ZNF98: variants seen among roughly 807,000 people sequenced by gnomAD.
ZNF98 encodes zinc finger protein 739.
Under a neutral mutation model 12.8 loss-of-function variants are expected in ZNF98, and 8 were observed. The observed-to-expected ratio is 0.63, with a 90% CI of 0.37 to 1.13. ZNF98 has a LOEUF of 1.13. Among genes scored for constraint, ZNF98 ranks in the 50% most tolerant of loss-of-function variants. The pLI is 0.01. For missense variants in ZNF98, 379 were observed against 666.1 expected (o/e 0.57, Z 4.74); for synonymous variants, 112 against 223.5 (o/e 0.50, Z 4.45).
intron 1 of ZNF98, among the ~76,000 whole-genome samples, chr19:22,404,224 T>C (rs2360624): frequency 1.4e-5 from 2 of 145,620 alleles, no homozygotes; most frequent in Non-Finnish European, 3.0e-5. Flanking sequence ...CGTCTCAAAA[T>C]AAAAAAAAGA....
At chr19:22,395,611 G>T (rs1205530848) in intron 3 of ZNF98, among the ~76,000 whole-genome samples, 2 of 151,386 alleles carry the variant, frequency 1.3e-5, no homozygotes, top group African/African-American at 4.9e-5. Flanking sequence ...GTAAAAAATA[G>T]AAAAATAAAC....
intron 3 of ZNF98, among the ~76,000 whole-genome samples, chr19:22,394,752 C>T (rs1969370819): frequency 1.3e-5 from 2 of 152,060 alleles, no homozygotes; most frequent in Admixed American, 1.3e-4. Flanking sequence ...TGTAACATAA[C>T]TGCACGCTGG....
intron 3 of ZNF98, among the ~76,000 whole-genome samples, chr19:22,393,936 T>C (rs1235728482): frequency 1.3e-5 from 2 of 151,524 alleles, no homozygotes; most frequent in Non-Finnish European, 2.9e-5. Flanking sequence ...AATCTACCCA[T>C]CTGACAAAGG....
At chr19:22,415,818 G>A in intron 1 of ZNF98, among the ~76,000 whole-genome samples, 1 of 151,706 alleles carries the variant, frequency 6.6e-6, no homozygotes, top group East Asian at 1.9e-4. Context: ...GCTTAGGCCA[G>A]GCACAGTGGC....
chr19:22,419,106 C>A (rs1388363075), intron 1 of ZNF98, among the ~76,000 whole-genome samples: 1 of 152,098 alleles, frequency 6.6e-6, no homozygotes, highest in East Asian at 1.9e-4. Context: ...CTCCCACTTT[C>A]GTTCTAATCT....
chr19:22,422,062 G>T, intron 1 of ZNF98, 133 bp downstream of exon 1: 2 of 1,177,886 alleles, frequency 1.7e-6, no homozygotes, highest in Non-Finnish European at 2.5e-6. Context: ...CTGAGGCCGA[G>T]CTAGGCAAGG....
At chr19:22,395,178 GAAAAAAAAAAA>G (rs71180538) in intron 3 of ZNF98, among the ~76,000 whole-genome samples, 1 of 99,874 alleles carries the variant, frequency 1.0e-5, no homozygotes, top group Admixed American at 1.1e-4. Context: ...GTTTCAAAAA[GAAAAAAAAAAA>G]AAAAAAAAGA....
intron 1 of ZNF98, among the ~76,000 whole-genome samples, chr19:22,421,444 G>C (rs1969702528): frequency 6.6e-6 from 1 of 152,106 alleles, no homozygotes; most frequent in Non-Finnish European, 1.5e-5. Context: ...ATAGACTGAG[G>C]TGGCTCCAAT....
rs1969491121 is a variant in ZNF98 at position 22,404,024 on chromosome 19, TCCTGGCTAACACAGTGAAAC to T, written c.31-532_31-513del. ...TCACGAGGTCAGGAGACCGAGACTATCCTGGCTAACACAGTGAAACCCTGGCTCTACTAAAAATACAAAAA... is the reference window on the plus strand; with the variant it reads ...TCACGAGGTCAGGAGACCGAGACTATCCTGGCTCTACTAAAAATACAAAAA... On this transcript the variant is annotated intron_variant, in intron 1 of 3. Transcript: ENST00000357774. 1.1e-4 allele frequency among the ~76,000 whole-genome samples: 16 copies of T among 152,306 alleles called. No individual in the cohort carries two copies. In the South Asian group the frequency reaches 3.3e-3, roughly 32 times the overall value.
intron 1 of ZNF98, among the ~76,000 whole-genome samples, chr19:22,416,121 G>A (rs1402295350): frequency 1.3e-5 from 2 of 150,906 alleles, no homozygotes; most frequent in Non-Finnish European, 2.9e-5. Flanking sequence ...TCCAGCCTGG[G>A]CAACAGAGCA....
intron 1 of ZNF98, among the ~76,000 whole-genome samples, chr19:22,411,661 A>G (rs1433869422): frequency 6.6e-6 from 1 of 152,092 alleles, no homozygotes; most frequent in African/African-American, 2.4e-5. Flanking sequence ...TAATTTACAT[A>G]TATTTCAAAA....
At chr19:22,413,665 G>C (rs1210996243) in intron 1 of ZNF98, among the ~76,000 whole-genome samples, 2 of 151,720 alleles carry the variant, frequency 1.3e-5, no homozygotes, top group Admixed American at 1.3e-4. Flanking sequence ...GAGGTTGAGA[G>C]TTCAAGACCA....
In ZNF98 at chr19:22,391,607, T is replaced by C. The variant is rs1045689625; in HGVS notation, c.1628A>G (p.Glu543Gly). ...LNRHKMIHTGEKLYKPESCNN... is the reference protein window; with the variant it reads ...LNRHKMIHTGGKLYKPESCNN... ...ACAACTTTCAGGTTTGTAGAGTTTC[T>C]CTCCAGTATGAATCATCTTATGTCT... The change falls in exon 4 of 4, where the codon GAG becomes GGG. Residue 543 changes from glutamate (E) to glycine (G), a missense_variant. Coordinates refer to ENST00000357774, the MANE Select transcript of ZNF98 (RefSeq NM_001098626.2). 6.2e-7 allele frequency: 1 copy of C among 1,611,366 alleles called. No homozygotes were observed. The highest frequency in any genetic ancestry group is 1.3e-5 in the African/African-American group (1 of 74,842).
chr19:22,414,663 G>A (rs978023612), intron 1 of ZNF98, among the ~76,000 whole-genome samples: 6 of 152,012 alleles, frequency 3.9e-5, no homozygotes, highest in Middle Eastern at 3.4e-3. Context: ...AAATGATACT[G>A]GAATAACTAG....
intron 1 of ZNF98, among the ~76,000 whole-genome samples, chr19:22,414,406 G>T (rs1337724058): frequency 1.3e-5 from 2 of 151,756 alleles, no homozygotes; most frequent in Non-Finnish European, 2.9e-5. Context: ...AACTTATATG[G>T]TACCAAGAAA....
In ZNF98 at chr19:22,391,326, T is replaced by C; in HGVS notation, c.*190A>G. On this transcript the variant is annotated 3_prime_UTR_variant, in exon 4 of 4. Coordinates refer to ENST00000357774, the MANE Select transcript of ZNF98 (RefSeq NM_001098626.2). The stretch of plus-strand genomic sequence containing the variant: ...TAAGATGTGTGCAGATATTAATCAC[T>C]TTTTTACTTTCTTTATATTTGTACA... 3 of 1,248,530 alleles carry C rather than the reference T, an allele frequency of 2.4e-6. No homozygotes were observed. The highest frequency in any genetic ancestry group is 3.3e-6 in the Non-Finnish European group (3 of 923,052). 77.3% of individuals were successfully genotyped at this position (1,248,530 alleles called of 1,614,324 possible).
rs147154660 is a variant in ZNF98 at position 22,403,633 on chromosome 19, T to G, written c.31-121A>C. On this transcript the variant is annotated intron_variant, in intron 1 of 3. Coordinates refer to ENST00000357774, the MANE Select transcript of ZNF98 (RefSeq NM_001098626.2). Reference sequence around the variant, plus strand: ...TTCTTACTTATAGGAGTGACTGATATATTTAATAAATAACTTTCAGCACAG... The same window carrying G: ...TTCTTACTTATAGGAGTGACTGATAGATTTAATAAATAACTTTCAGCACAG... The G allele has an allele frequency of 2.9e-4, 270 of 945,170 alleles. 2 individuals carry two copies. The African/African-American group carries it at 3.9e-3, about 14-fold the overall frequency. The allele number at this position is 945,170 out of a possible 1,614,324, so 58.5% of individuals were successfully genotyped here.
At chr19:22,419,943 G>C (rs563445540) in intron 1 of ZNF98, among the ~76,000 whole-genome samples, 1 of 152,130 alleles carries the variant, frequency 6.6e-6, no homozygotes, top group East Asian at 1.9e-4. Flanking sequence ...AGATCACCAG[G>C]TCAGGAGTTC....
chr19:22,397,105 T>G (rs951081751), intron 3 of ZNF98, among the ~76,000 whole-genome samples: 3 of 135,604 alleles, frequency 2.2e-5, no homozygotes, highest in Non-Finnish European at 4.8e-5. Context: ...GGACACAGAG[T>G]GAGACTCTGT....
Sources: allele counts gnomAD v4.1 joint callset (sites outside exome capture counted in the v4.1 genomes callset), GRCh38; gene constraint gnomAD v4.1.1; transcripts MANE v1.5; gene names NCBI Gene and HGNC (gene_info 2026-07-23, HGNC 2026-07-21).